The following CLMN variants were observed in gnomAD, a reference collection of about 807,000 sequenced individuals.
The protein encoded by CLMN is calmin, also known as calmin (calponin-like, transmembrane).
Under a neutral mutation model 92.7 loss-of-function variants are expected in CLMN, and 57 were observed. The ratio of observed to expected loss-of-function variants is 0.61; its 90% confidence interval spans 0.50 to 0.77. CLMN has a LOEUF of 0.77. Ranked by LOEUF, CLMN falls within the 30% of genes least tolerant of loss-of-function variation. CLMN has a pLI of 0.00. For missense variants in CLMN, 1,158 were observed against 1,237.5 expected (o/e 0.94, Z 0.96); for synonymous variants, 466 against 470.6 (o/e 0.99, Z 0.13).
intron 1 of CLMN, among the ~76,000 whole-genome samples, chr14:95,273,834 T>A (rs897811729): frequency 6.6e-6 from 1 of 152,148 alleles, no homozygotes; most frequent in African/African-American, 2.4e-5. Flanking sequence ...TCTTAAGGCC[T>A]CCCTGCTTCC....
At chr14:95,209,044 T>C (rs1897122474) in intron 8 of CLMN, among the ~76,000 whole-genome samples, 1 of 152,238 alleles carries the variant, frequency 6.6e-6, no homozygotes, top group Admixed American at 6.5e-5. Context: ...ATGGTTATAA[T>C]TGTTCTATGT....
chr14:95,193,424 G>A, intron 12 of CLMN: 1 of 1,516,270 alleles, frequency 6.6e-7, no homozygotes, highest in Non-Finnish European at 8.8e-7. Context: ...ACCTGCAGTG[G>A]CAACAGAGAA....
intron 4 of CLMN, among the ~76,000 whole-genome samples, chr14:95,216,139 A>G (rs8017355): frequency 0.5 from 76,637 of 152,002 alleles, 19,909 homozygotes; most frequent in African/African-American, 0.6. Flanking sequence ...AGGCCTCACA[A>G]TCATGGTGGA....
rs150553819 is a variant in CLMN at position 95,291,560 on chromosome 14, A to G, written c.82+28151T>C. Among the ~76,000 whole-genome samples, 340 of 152,292 alleles carry G rather than the reference A, an allele frequency of 2.2e-3. 1 individual carries two copies. The highest frequency in any genetic ancestry group is 0.012 in the South Asian group (57 of 4,818). ...AGCCCAGGTGAAAGCTCCAGGAGAGACGGAGTCAGACTGGCCCCAGCAAAC... is the reference window on the plus strand; with the variant it reads ...AGCCCAGGTGAAAGCTCCAGGAGAGGCGGAGTCAGACTGGCCCCAGCAAAC... On this transcript the variant is annotated intron_variant, in intron 1 of 12. Coordinates refer to ENST00000298912, the MANE Select transcript of CLMN (RefSeq NM_024734.4).
At chr14:95,224,771 G>A (rs1595590734) in intron 2 of CLMN, among the ~76,000 whole-genome samples, 1 of 152,192 alleles carries the variant, frequency 6.6e-6, no homozygotes, top group African/African-American at 2.4e-5. Context: ...GATTCAATAC[G>A]GCATCAGTAG....
In CLMN at chr14:95,194,455, C is replaced by T. The variant is rs1396682151; in HGVS notation, c.2769+81G>A. On this transcript the variant is annotated intron_variant, in intron 11 of 12. Transcript: ENST00000298912. The surrounding 1 kb of genome is among the most constrained non-coding windows in gnomAD (Gnocchi z 4.0). ...CTGTTGCATGCCAGTAATTTCAAAGCTCTGGGCTGGGGAGGAGGAAGGATG... is the reference window on the plus strand; with the variant it reads ...CTGTTGCATGCCAGTAATTTCAAAGTTCTGGGCTGGGGAGGAGGAAGGATG... 6.8e-6 allele frequency: 11 copies of T among 1,607,350 alleles called. No individual in the cohort carries two copies. The highest frequency in any genetic ancestry group is 4.3e-6 in the Non-Finnish European group (5 of 1,175,994).
intron 1 of CLMN, among the ~76,000 whole-genome samples, chr14:95,307,086 G>A (rs1901316380): frequency 6.6e-6 from 1 of 152,222 alleles, no homozygotes. Flanking sequence ...AGGCATTGAT[G>A]AAGACATATG....
In CLMN at chr14:95,191,733, C is replaced by A; in HGVS notation, c.2841-1G>T. 6.2e-7 allele frequency: 1 copy of A among 1,603,492 alleles called. No homozygotes were observed. Reference sequence around the variant, plus strand: ...GGCTTCTCCTGAGCTGTTGGCCTTCCTACAGAAGAAACACAGAGGAAACGC... The same window carrying A: ...GGCTTCTCCTGAGCTGTTGGCCTTCATACAGAAGAAACACAGAGGAAACGC... On this transcript the variant is annotated splice_acceptor_variant, in intron 12 of 12. Transcript: ENST00000298912. LOFTEE classifies it high-confidence loss of function. This position sits in a 1 kb window ranked among gnomAD's most constrained non-coding sequence, Gnocchi z 5.3.
intron 1 of CLMN, among the ~76,000 whole-genome samples, chr14:95,238,681 C>T (rs558293946): frequency 1.8e-4 from 27 of 152,282 alleles, no homozygotes; most frequent in African/African-American, 4.8e-4. Flanking sequence ...GAGGCACAGA[C>T]GGGCATCAGG....
At chr14:95,314,573 G>A (rs1901681136) in intron 1 of CLMN, among the ~76,000 whole-genome samples, 1 of 152,178 alleles carries the variant, frequency 6.6e-6, no homozygotes, top group South Asian at 2.1e-4. Flanking sequence ...GGAACCACAA[G>A]GGAGAGAGAT....
chr14:95,297,577 T>C (rs558818422), intron 1 of CLMN, among the ~76,000 whole-genome samples: 2 of 152,298 alleles, frequency 1.3e-5, no homozygotes, highest in South Asian at 2.1e-4. Context: ...AATTTTGCCT[T>C]CTCCAAGCTG....
At chr14:95,290,481 G>T (rs1380565084) in intron 1 of CLMN, among the ~76,000 whole-genome samples, 1 of 152,238 alleles carries the variant, frequency 6.6e-6, no homozygotes, top group Non-Finnish European at 1.5e-5. Context: ...GAAGAGAAGA[G>T]ACAGTTGATG....
intron 6 of CLMN, among the ~76,000 whole-genome samples, chr14:95,211,882 G>C (rs1897209168): frequency 6.6e-6 from 1 of 152,138 alleles, no homozygotes; most frequent in Non-Finnish European, 1.5e-5. Flanking sequence ...TTTCACAGGT[G>C]TTACTTTTCA....
intron 1 of CLMN, among the ~76,000 whole-genome samples, chr14:95,234,694 A>T (rs1359134041): frequency 6.6e-6 from 1 of 152,110 alleles, no homozygotes; most frequent in African/African-American, 2.4e-5. Flanking sequence ...GACAGAAGGG[A>T]GGGAGGCCTG....
intron 1 of CLMN, among the ~76,000 whole-genome samples, chr14:95,317,936 G>A (rs79633772): frequency 0.015 from 2,283 of 152,256 alleles, 21 homozygotes; most frequent in Non-Finnish European, 0.024. Context: ...AGTGAGGACA[G>A]TTCACTGGGA....
intron 4 of CLMN, among the ~76,000 whole-genome samples, chr14:95,216,729 C>T (rs566350294): frequency 1.3e-5 from 2 of 152,280 alleles, no homozygotes; most frequent in Admixed American, 1.3e-4. Flanking sequence ...TGTAGAAACC[C>T]TCAGGGTCTT....
chr14:95,245,232 TATATATTATATATATATATATA>T (rs1566891181), intron 1 of CLMN, among the ~76,000 whole-genome samples: 6 of 35,846 alleles, frequency 1.7e-4, no homozygotes, highest in African/African-American at 8.6e-4. Flanking sequence ...ATATTATATA[TATATATTATATATATATATATA>T]ATATATATAT....
At chr14:95,303,978 A>G (rs769246942) in intron 1 of CLMN, among the ~76,000 whole-genome samples, 4 of 152,230 alleles carry the variant, frequency 2.6e-5, no homozygotes, top group Admixed American at 6.5e-5. Flanking sequence ...AGAAGGGGAG[A>G]CAGCAATACA....
chr14:95,319,858 G>T lies in CLMN; in HGVS notation c.-66C>A, dbSNP rs1433456476. ...GGCGGGCGCGGAGAGCCTGGCTGGCGGGCGCGCGAGCGGCACGCACCCGGC... is the reference window on the plus strand; with the variant it reads ...GGCGGGCGCGGAGAGCCTGGCTGGCTGGCGCGCGAGCGGCACGCACCCGGC... On this transcript the variant is annotated 5_prime_UTR_variant, in exon 1 of 13. Transcript: ENST00000298912. The T allele has an allele frequency of 1.8e-4, 175 of 957,054 alleles. 4 individuals are homozygous for T. The highest frequency in any genetic ancestry group is 3.9e-5 in the African/African-American group (2 of 51,006). 59.3% of individuals were successfully genotyped at this position (957,054 alleles called of 1,614,324 possible). A position where few individuals can be genotyped will look rare whatever the true frequency, so the allele number is the denominator to read the frequency against.
Sources: allele counts gnomAD v4.1 joint callset (sites outside exome capture counted in the v4.1 genomes callset), GRCh38; gene constraint gnomAD v4.1.1; non-coding constraint Gnocchi (gnomAD v3.1); transcripts MANE v1.5; gene names NCBI Gene and HGNC (gene_info 2026-07-23, HGNC 2026-07-21).